Variants in LBHD2 observed in about 807,000 individuals in gnomAD.
LBHD2 encodes the protein LBH domain containing 2.
Position 103,085,996 on chromosome 14 carries a change from G to A in LBHD2, c.-17G>A, listed in dbSNP as rs572736531. On this transcript the variant is annotated 5_prime_UTR_variant, in exon 2 of 4. Transcript: ENST00000634353. ...CCCAGTCCTCGTGCAGCTTAGTGGC[G>A]CAGTGGCGGCAGCAGCATGAGCACC... 54 of 398,662 alleles carry A rather than the reference G, an allele frequency of 1.4e-4. No individual in the cohort carries two copies. The highest frequency in any genetic ancestry group is 7.5e-4 in the Admixed American group (17 of 22,734). 24.7% of individuals were successfully genotyped at this position (398,662 alleles called of 1,614,324 possible). A position where few individuals can be genotyped will look rare whatever the true frequency, so the allele number is the denominator to read the frequency against.
Position 103,089,849 on chromosome 14 carries a change from A to C in LBHD2, c.*52A>C. On this transcript the variant is annotated 3_prime_UTR_variant, in exon 4 of 4. Coordinates refer to ENST00000634353, the MANE Select transcript of LBHD2 (RefSeq NM_001330236.2). ...TCTGACTGCTGAGGGCCTCTGCCCC[A>C]GGGTGGCCGGGCTGATGCACAGGAG... 2.5e-6 allele frequency: 1 copy of C among 398,318 alleles called. No homozygotes were observed. 24.7% of individuals were successfully genotyped at this position (398,318 alleles called of 1,614,324 possible).
At chr14:103,089,319 G>T (rs994879792) in intron 3 of LBHD2, among the ~76,000 whole-genome samples, 1 of 152,162 alleles carries the variant, frequency 6.6e-6, no homozygotes. Context: ...GGCCAGAGGG[G>T]TTATCTGTCT....
intron 2 of LBHD2, among the ~76,000 whole-genome samples, chr14:103,086,719 A>G (rs929816936): frequency 6.6e-6 from 1 of 151,854 alleles, no homozygotes; most frequent in Non-Finnish European, 1.5e-5. Context: ...CTAAAAAAAA[A>G]AAAACAAGCT....
intron 2 of LBHD2, among the ~76,000 whole-genome samples, chr14:103,087,758 C>T (rs1358812304): frequency 6.6e-6 from 1 of 152,206 alleles, no homozygotes; most frequent in African/African-American, 2.4e-5. Context: ...GAAGCCTGGG[C>T]TCATTCCTGG....
At position 103,084,527 on chromosome 14, in the gene LBHD2, G is replaced by T. The variant is rs376243359; in HGVS notation, c.-38+180G>T. 1.4e-3 allele frequency among the ~76,000 whole-genome samples: 206 copies of T among 152,346 alleles called. 3 individuals carry two copies. Among genetic ancestry groups the T allele is most frequent in the African/African-American group, 3.7e-3 (152 of 41,582 alleles). On this transcript the variant is annotated intron_variant, in intron 1 of 3. Coordinates refer to ENST00000634353, the MANE Select transcript of LBHD2 (RefSeq NM_001330236.2). ...AAGACCTGGGATCCCGCGGCGCTGG[G>T]GGTGGTGGGTGCCCTCGATGTGTGG... is the stretch of plus-strand genomic sequence containing the variant.
rs564842746 is a variant in LBHD2 at position 103,086,007 on chromosome 14, A to G, written c.-6A>G. ...TGCAGCTTAGTGGCGCAGTGGCGGC[A>G]GCAGCATGAGCACCCCCCGGCCTGC... On this transcript the variant is annotated 5_prime_UTR_variant, in exon 2 of 4. Coordinates refer to ENST00000634353, the MANE Select transcript of LBHD2 (RefSeq NM_001330236.2). 32 of 398,670 alleles carry G rather than the reference A, an allele frequency of 8.0e-5. No homozygotes were observed. In the East Asian group the frequency reaches 8.5e-4, roughly 11 times the overall value. The allele number at this position is 398,670 out of a possible 1,614,324, so 24.7% of individuals were successfully genotyped here.
chr14:103,089,143 G>T (rs1452243774), intron 3 of LBHD2, among the ~76,000 whole-genome samples: 1 of 152,130 alleles, frequency 6.6e-6, no homozygotes, highest in Non-Finnish European at 1.5e-5. Flanking sequence ...GGGGCATGAG[G>T]TGTGCCCTGT....
At chr14:103,088,793 A>T (rs554753752) in intron 3 of LBHD2, among the ~76,000 whole-genome samples, 1 of 152,350 alleles carries the variant, frequency 6.6e-6, no homozygotes, top group East Asian at 1.9e-4. Context: ...CAGGAGTTCG[A>T]GACTAGCCTG....
intron 2 of LBHD2, among the ~76,000 whole-genome samples, chr14:103,087,544 G>A (rs945064575): frequency 1.6e-4 from 24 of 152,342 alleles, no homozygotes; most frequent in African/African-American, 5.1e-4. Flanking sequence ...TGAGGGCACC[G>A]GGAAGGCCTG....
Position 103,089,828 on chromosome 14 carries a change from A to C in LBHD2, c.*31A>C. 1 of 398,270 alleles carries C rather than the reference A, an allele frequency of 2.5e-6. No individual in the cohort carries two copies. The highest frequency in any genetic ancestry group is 4.4e-6 in the Non-Finnish European group (1 of 225,952). 24.7% of individuals were successfully genotyped at this position (398,270 alleles called of 1,614,324 possible). Reference sequence around the variant, plus strand: ...GGACGTGGCTGGGCTCTGCTGTCTGACTGCTGAGGGCCTCTGCCCCAGGGT... The same window carrying C: ...GGACGTGGCTGGGCTCTGCTGTCTGCCTGCTGAGGGCCTCTGCCCCAGGGT... On this transcript the variant is annotated 3_prime_UTR_variant, in exon 4 of 4. Transcript: ENST00000634353.
chr14:103,087,068 T>C, intron 2 of LBHD2, among the ~76,000 whole-genome samples: 1 of 152,198 alleles, frequency 6.6e-6, no homozygotes. Context: ...AATGCCAGCA[T>C]GAGGGTGGCC....
chr14:103,088,909 G>A (rs1361733754), intron 3 of LBHD2, among the ~76,000 whole-genome samples: 5 of 152,220 alleles, frequency 3.3e-5, no homozygotes, highest in Non-Finnish European at 7.3e-5. Context: ...CAGGAGAATC[G>A]CTTGAACCCT....
rs1889659331 is a variant in LBHD2 at position 103,088,108 on chromosome 14, G to C, written c.93G>C (p.Lys31Asn). ...AGGCTGTGGCAGGTGCCTGGGAGAA[G>C]GGCCCTCGGCTGGGCCAGCGGCTGC... ...EGKAVAGAWE[K>N]GPRLGQRLPS... Residue 31 changes from lysine (K) to asparagine (N), a missense_variant, in exon 3 of 4, where the codon AAG becomes AAC. Lys to Asn is a moderately conservative substitution (Grantham distance 94). Transcript: ENST00000634353. 1 of 398,768 alleles carries C rather than the reference G, an allele frequency of 2.5e-6. No individual in the cohort carries two copies. Among genetic ancestry groups the C allele is most frequent in the Non-Finnish European group, 4.4e-6 (1 of 226,188 alleles). 24.7% of individuals were successfully genotyped at this position (398,768 alleles called of 1,614,324 possible). A position where few individuals can be genotyped will look rare whatever the true frequency, so the allele number is the denominator to read the frequency against.
At chr14:103,088,344 G>A (rs1167052617) in intron 3 of LBHD2, 103 bp downstream of exon 3, 2 of 397,826 alleles carry the variant, frequency 5.0e-6, no homozygotes, top group South Asian at 1.3e-4. Context: ...AGGCCTTCCC[G>A]CCTCCTGCCT....
intron 2 of LBHD2, 124 bp downstream of exon 2, chr14:103,086,205 C>CTTATTTAT (rs1010591203): frequency 2.5e-6 from 1 of 395,372 alleles, no homozygotes; most frequent in African/African-American, 2.1e-5. Flanking sequence ...GAGATCATTG[C>CTTATTTAT]TTATTTATTT....
At chr14:103,087,511 C>A (rs939163197) in intron 2 of LBHD2, among the ~76,000 whole-genome samples, 2 of 152,228 alleles carry the variant, frequency 1.3e-5, no homozygotes, top group Non-Finnish European at 2.9e-5. Flanking sequence ...GCCTCAAAGA[C>A]CTTGAACGGG....
chr14:103,086,714 A>C (rs931597734), intron 2 of LBHD2, among the ~76,000 whole-genome samples: 27 of 151,766 alleles, frequency 1.8e-4, no homozygotes, highest in African/African-American at 6.3e-4. Flanking sequence ...TGAAACTAAA[A>C]AAAAAAAAAC....
intron 3 of LBHD2, among the ~76,000 whole-genome samples, chr14:103,089,316 G>A: frequency 6.6e-6 from 1 of 152,184 alleles, no homozygotes; most frequent in Non-Finnish European, 1.5e-5. Flanking sequence ...TGTGGCCAGA[G>A]GGGTTATCTG....
Position 103,089,584 on chromosome 14 carries a change from C to T in LBHD2, c.227-113C>T, listed in dbSNP as rs1478877038. The T allele has an allele frequency of 3.5e-5, 14 of 398,068 alleles. No homozygotes were observed. The Admixed American group carries it at 6.2e-4, about 18-fold the overall frequency. The allele number at this position is 398,068 out of a possible 1,614,324, so 24.7% of individuals were successfully genotyped here. ...CCCGCTTCTCATCACCCGAGGGGAC[C>T]TCCTGGCCTGCCCCAGCCCAGTTGC... On this transcript the variant is annotated intron_variant, in intron 3 of 3. Coordinates refer to ENST00000634353, the MANE Select transcript of LBHD2 (RefSeq NM_001330236.2).
Sources: allele counts gnomAD v4.1 joint callset (sites outside exome capture counted in the v4.1 genomes callset), GRCh38; gene constraint gnomAD v4.1.1; transcripts MANE v1.5; gene names NCBI Gene and HGNC (gene_info 2026-07-23, HGNC 2026-07-21).